Variants in C4orf50 observed in about 807,000 individuals in gnomAD.
C4orf50 encodes the protein uncharacterized protein C4orf50.
C4orf50 carries 80 observed loss-of-function variants against 77.2 expected under a neutral mutation model. The ratio of observed to expected loss-of-function variants is 1.04; its 90% confidence interval spans 0.87 to 1.25. The LOEUF (loss-of-function observed/expected upper bound fraction) is 1.25. Ranked by LOEUF, C4orf50 falls within the 50% of genes most tolerant of loss-of-function variation. The pLI is 0.00. For synonymous variants in C4orf50, 532 were observed against 465.3 expected (o/e 1.14, Z -1.84); for missense variants, 1,257 against 1,152.9 (o/e 1.09, Z -1.31).
chr4:5,946,452 A>C (rs1041976375), intron 7 of C4orf50, among the ~76,000 whole-genome samples: 1 of 152,224 alleles, frequency 6.6e-6, no homozygotes, highest in Non-Finnish European at 1.5e-5. Context: ...TAGAAATAAT[A>C]GTTTCTTTTA....
intron 31 of C4orf50, among the ~76,000 whole-genome samples, chr4:5,969,555 T>G (rs1394612563): frequency 6.6e-6 from 1 of 151,986 alleles, no homozygotes; most frequent in Non-Finnish European, 1.5e-5. Flanking sequence ...CCTGCTAGTA[T>G]GCCCAAGGCC....
chr4:5,984,704 T>C (rs1720769437), intron 28 of C4orf50, among the ~76,000 whole-genome samples: 1 of 151,948 alleles, frequency 6.6e-6, no homozygotes, highest in East Asian at 1.9e-4. Context: ...TACAGGATTT[T>C]TGAAAGATGT....
chr4:5,906,935 T>G (rs796330789), intron 7 of C4orf50, among the ~76,000 whole-genome samples: 52 of 152,350 alleles, frequency 3.4e-4, no homozygotes, highest in African/African-American at 1.2e-3. Context: ...TTGGAGAACT[T>G]TACAAGAATT....
intron 7 of C4orf50, among the ~76,000 whole-genome samples, chr4:5,931,329 G>A (rs1353182388): frequency 6.6e-6 from 1 of 152,036 alleles, no homozygotes; most frequent in East Asian, 1.9e-4. Flanking sequence ...GTATCAGTTA[G>A]GGAATCTAGG....
exon 28 of C4orf50, chr4:5,988,888 T>A (rs1006427114): frequency 1.1e-5 from 17 of 1,535,836 alleles, no homozygotes; most frequent in Non-Finnish European, 1.4e-5. Flanking sequence ...GAGCTTCCAG[T>A]TTTCCAGGGT....
chr4:5,965,319 C>T (rs1383234160), intron 32 of C4orf50, among the ~76,000 whole-genome samples, 174 bp from the exon 11 acceptor site: 2 of 152,240 alleles, frequency 1.3e-5, no homozygotes, highest in Non-Finnish European at 2.9e-5. Flanking sequence ...CCAAGGACCT[C>T]ACCCATACGC....
chr4:6,004,927 G>T (rs1722189104), intron 25 of C4orf50, among the ~76,000 whole-genome samples: 1 of 152,154 alleles, frequency 6.6e-6, no homozygotes, highest in Non-Finnish European at 1.5e-5. Context: ...TGAGCTAAGA[G>T]CTTTCCCTGT....
chr4:6,004,406 AGATGT>A (rs1722137260), intron 25 of C4orf50, among the ~76,000 whole-genome samples: 2 of 12,916 alleles, frequency 1.5e-4, no homozygotes, highest in African/African-American at 3.4e-4. Context: ...ATGGTGATGG[AGATGT>A]TGGTGATGAT....
intron 7 of C4orf50, among the ~76,000 whole-genome samples, chr4:5,939,317 C>T (rs1352126241): frequency 1.3e-5 from 2 of 152,188 alleles, no homozygotes; most frequent in Non-Finnish European, 2.9e-5. Flanking sequence ...TTATCCACAA[C>T]CAGGCAACAT....
chr4:6,017,207 G>A lies in C4orf50; in HGVS notation c.287+938C>T, dbSNP rs1722714811. On this transcript the variant is annotated intron_variant, in intron 23 of 33. Coordinates refer to ENST00000531445, the Ensembl canonical transcript of C4orf50. The surrounding 1 kb of genome is among the most constrained non-coding windows in gnomAD (Gnocchi z 4.7). Reference sequence around the variant, plus strand: ...TTCAAAGATGACAGCAGAGTCCAAAGGCCAGACAGAGACAGGCAGCCTGGA... The same window carrying A: ...TTCAAAGATGACAGCAGAGTCCAAAAGCCAGACAGAGACAGGCAGCCTGGA... 6.6e-6 allele frequency among the ~76,000 whole-genome samples: 1 copy of A among 152,206 alleles called. No individual in the cohort carries two copies. The highest frequency in any genetic ancestry group is 2.4e-5 in the African/African-American group (1 of 41,450).
At chr4:5,967,896 C>T (rs549013030) in intron 31 of C4orf50, among the ~76,000 whole-genome samples, 1 of 152,346 alleles carries the variant, frequency 6.6e-6, no homozygotes, top group African/African-American at 2.4e-5. Flanking sequence ...CAGTGTCCTC[C>T]TGGTTCCGCA....
At chr4:5,960,068 T>C (rs1198612593) in intron 33 of C4orf50, among the ~76,000 whole-genome samples, 1 of 152,232 alleles carries the variant, frequency 6.6e-6, no homozygotes, top group East Asian at 1.9e-4. Context: ...CCATCTTACT[T>C]GCCTTCACTT....
Position 5,992,862 on chromosome 4 carries a change from G to C in C4orf50, c.1162C>G (p.Pro388Ala), listed in dbSNP as rs114026725. 3.3e-3 allele frequency: 1,314 copies of C among 399,118 alleles called. 10 individuals are homozygous for C. The highest frequency in any genetic ancestry group is 0.024 in the African/African-American group (1,158 of 48,750). 24.7% of individuals were successfully genotyped at this position (399,118 alleles called of 1,614,324 possible). Residue 388 changes from proline to alanine, a missense_variant, in exon 27 of 34, where the codon CCA becomes GCA. Transcript: ENST00000531445. The surrounding 1 kb of genome is among the most constrained non-coding windows in gnomAD (Gnocchi z 5.0). Reference sequence around the variant, plus strand: ...AGCTCGCTTGTGGTCTCCGGGCCTGGAGCCAAAACAGAAGAGGCCCGTCCA... The same window carrying C: ...AGCTCGCTTGTGGTCTCCGGGCCTGCAGCCAAAACAGAAGAGGCCCGTCCA...
chr4:5,907,679 G>A (rs1716614534), intron 7 of C4orf50, among the ~76,000 whole-genome samples: 1 of 152,154 alleles, frequency 6.6e-6, no homozygotes, highest in African/African-American at 2.4e-5. Flanking sequence ...GGGGGAAGAG[G>A]TGCTCTAGAT....
chr4:5,931,225 C>T (rs1184844320), intron 7 of C4orf50, among the ~76,000 whole-genome samples: 1 of 152,140 alleles, frequency 6.6e-6, no homozygotes, highest in African/African-American at 2.4e-5. Flanking sequence ...CTGGTGTGTT[C>T]CCATGACCTC....
intron 25 of C4orf50, among the ~76,000 whole-genome samples, chr4:5,999,332 G>T (rs1476465162): frequency 6.6e-6 from 1 of 152,130 alleles, no homozygotes; most frequent in Non-Finnish European, 1.5e-5. Context: ...GTTCTCCTCT[G>T]CAAAATGAGA....
intron 28 of C4orf50, among the ~76,000 whole-genome samples, chr4:5,982,255 C>A (rs1450537690): frequency 2.6e-5 from 4 of 152,074 alleles, no homozygotes; most frequent in Non-Finnish European, 4.4e-5. Flanking sequence ...CTCATGGGTC[C>A]TCAGAGAGCA....
chr4:5,971,973 A>G (rs1324698902), intron 31 of C4orf50, among the ~76,000 whole-genome samples: 1 of 151,196 alleles, frequency 6.6e-6, no homozygotes, highest in Non-Finnish European at 1.5e-5. Flanking sequence ...TGCATTTGCA[A>G]TTTGATACTT....
At chr4:5,946,118 C>T (rs1179326192) in intron 7 of C4orf50, among the ~76,000 whole-genome samples, 1 of 152,230 alleles carries the variant, frequency 6.6e-6, no homozygotes, top group Non-Finnish European at 1.5e-5. Flanking sequence ...CTCTCCCCGC[C>T]CTCTGAACCT....
Sources: gnomAD v4.1 joint callset for allele counts (sites outside exome capture counted in the v4.1 genomes callset) on GRCh38, gnomAD v4.1.1 for gene constraint, Gnocchi (gnomAD v3.1) non-coding constraint, MANE v1.5 for transcripts, NCBI Gene and HGNC (gene_info 2026-07-23, HGNC 2026-07-21) for gene names.